Variants in TMEM131 observed in about 807,000 individuals in gnomAD.
TMEM131 encodes the protein 2610524E03Rik.
Under a neutral mutation model 211.6 loss-of-function variants are expected in TMEM131, and 66 were observed. That is an observed-to-expected ratio of 0.31 (90% CI 0.26 to 0.38). The LOEUF (loss-of-function observed/expected upper bound fraction) is 0.38. TMEM131 is among the 10% of genes least tolerant of loss of function. TMEM131 has a pLI of 1.00. For synonymous variants in TMEM131, 844 were observed against 841.3 expected (o/e 1.00, Z -0.06); for missense variants, 2,036 against 2,299.3 (o/e 0.89, Z 2.34).
Position 97,779,352 on chromosome 2 carries a change from CGACGT to C in TMEM131, c.4145-3339_4145-3335del, listed in dbSNP as rs1679885501. Among the ~76,000 whole-genome samples, 7 of 152,326 alleles carry C rather than the reference CGACGT, an allele frequency of 4.6e-5. No homozygotes were observed. The South Asian group carries it at 1.4e-3, about 32-fold the overall frequency. ...AACCTGACTGATAAGACTGGATGGCCGACGTCTAGCTGCAGGCAGTCTCTGTCCCC... is the reference window on the plus strand; with the variant it reads ...AACCTGACTGATAAGACTGGATGGCCCTAGCTGCAGGCAGTCTCTGTCCCC... On this transcript the variant is annotated intron_variant, in intron 31 of 40. Coordinates refer to ENST00000186436, the MANE Select transcript of TMEM131 (RefSeq NM_015348.2).
At chr2:97,891,011 G>GT in intron 3 of TMEM131, among the ~76,000 whole-genome samples, 1 of 152,254 alleles carries the variant, frequency 6.6e-6, no homozygotes, top group African/African-American at 2.4e-5. Context: ...ATCCGAGTGA[G>GT]TACGATACAA....
chr2:97,961,114 A>G (rs750260507), intron 1 of TMEM131, among the ~76,000 whole-genome samples: 19 of 151,916 alleles, frequency 1.3e-4, no homozygotes, highest in Non-Finnish European at 1.5e-5. Context: ...GGGAACAAGG[A>G]AAGGAAGCTG....
intron 18 of TMEM131, 58 bp downstream of exon 18, chr2:97,811,070 G>T (rs1681526930): frequency 8.3e-7 from 1 of 1,209,142 alleles, no homozygotes; most frequent in Non-Finnish European, 1.2e-6. Flanking sequence ...ATAAAGACAA[G>T]AAAGGACTGA....
In TMEM131 at chr2:97,910,168, CAAT is replaced by C. The variant is rs1242457455; in HGVS notation, c.250-1473_250-1471del. Among the ~76,000 whole-genome samples, 3 of 152,092 alleles carry C rather than the reference CAAT, an allele frequency of 2.0e-5. No individual in the cohort carries two copies. The East Asian group carries it at 5.8e-4, about 29-fold the overall frequency. On this transcript the variant is annotated intron_variant, in intron 2 of 40. Transcript: ENST00000186436. ...ATTAGGGAAATGCAAATCAAAACCA[CAAT>C]GATACCACTTCATACCTGTTTGGAT...
chr2:97,884,440 AG>A (rs1397485072), intron 4 of TMEM131, among the ~76,000 whole-genome samples: 1 of 152,166 alleles, frequency 6.6e-6, no homozygotes, highest in African/African-American at 2.4e-5. Flanking sequence ...AGGTCCATTT[AG>A]TTGATGGTGT....
intron 3 of TMEM131, among the ~76,000 whole-genome samples, chr2:97,894,133 G>C (rs1476993757): frequency 1.3e-5 from 2 of 152,110 alleles, no homozygotes; most frequent in Admixed American, 6.5e-5. Flanking sequence ...TATTAAATAG[G>C]GAATCCTTTC....
intron 33 of TMEM131, among the ~76,000 whole-genome samples, chr2:97,767,814 C>T (rs1199695118): frequency 6.6e-6 from 1 of 152,200 alleles, no homozygotes; most frequent in Non-Finnish European, 1.5e-5. Context: ...TCTTCACGCA[C>T]CATGTTGCCT....
intron 1 of TMEM131, among the ~76,000 whole-genome samples, chr2:97,943,060 AG>A (rs1355147892): frequency 4.6e-5 from 4 of 87,062 alleles, no homozygotes; most frequent in Admixed American, 3.6e-4. Flanking sequence ...AAAGAAAGAA[AG>A]AAAGAAAGAA....
chr2:97,895,230 C>T (rs530895997), intron 3 of TMEM131, among the ~76,000 whole-genome samples: 46 of 152,268 alleles, frequency 3.0e-4, no homozygotes, highest in Admixed American at 3.0e-3. Flanking sequence ...CCAACTTGAT[C>T]GTGGTAGATA....
chr2:97,823,614 T>C (rs975879375), intron 11 of TMEM131, among the ~76,000 whole-genome samples: 1 of 152,180 alleles, frequency 6.6e-6, no homozygotes, highest in African/African-American at 2.4e-5. Context: ...CCAGTATGGA[T>C]GCCCACTGGG....
intron 1 of TMEM131, among the ~76,000 whole-genome samples, chr2:97,937,866 G>A (rs575320251): frequency 7.1e-4 from 108 of 152,270 alleles, no homozygotes; most frequent in Non-Finnish European, 9.6e-4. Flanking sequence ...AAGAGAGTGG[G>A]GGCCAATATT....
At chr2:97,873,902 G>A (rs1445249320) in intron 4 of TMEM131, among the ~76,000 whole-genome samples, 1 of 152,156 alleles carries the variant, frequency 6.6e-6, no homozygotes, top group African/African-American at 2.4e-5. Context: ...GGTTTCAGAA[G>A]GTGGGTAATA....
chr2:97,940,546 C>A (rs1677668868), intron 1 of TMEM131, among the ~76,000 whole-genome samples: 1 of 152,190 alleles, frequency 6.6e-6, no homozygotes, highest in Non-Finnish European at 1.5e-5. Context: ...TGGTGGCTCA[C>A]ACCTGTAATC....
intron 1 of TMEM131, among the ~76,000 whole-genome samples, chr2:97,943,953 G>A (rs184131437): frequency 1.7e-3 from 261 of 152,108 alleles, no homozygotes; most frequent in Admixed American, 2.9e-3. Context: ...ATGGTGGTGC[G>A]CGCCTGTAGT....
chr2:97,852,579 T>C (rs1559401986), intron 5 of TMEM131, among the ~76,000 whole-genome samples: 1 of 152,300 alleles, frequency 6.6e-6, no homozygotes, highest in Middle Eastern at 3.4e-3. Context: ...AAGGGATCGA[T>C]TCATGAGGTT....
chr2:97,916,821 T>C (rs1456403825), intron 2 of TMEM131, among the ~76,000 whole-genome samples: 1 of 152,190 alleles, frequency 6.6e-6, no homozygotes, highest in African/African-American at 2.4e-5. Flanking sequence ...CCCTGCACTT[T>C]AATATGCTCA....
intron 11 of TMEM131, among the ~76,000 whole-genome samples, chr2:97,831,245 G>A (rs1036182054): frequency 1.4e-4 from 21 of 152,136 alleles, no homozygotes; most frequent in African/African-American, 3.9e-4. Flanking sequence ...TGTCACTCTC[G>A]TTTAAAATCC....
At chr2:97,823,259 G>A (rs1409319501) in intron 11 of TMEM131, among the ~76,000 whole-genome samples, 3 of 152,008 alleles carry the variant, frequency 2.0e-5, no homozygotes, top group East Asian at 1.9e-4. Context: ...AACTCCCCGG[G>A]CTATCGGTTA....
chr2:97,892,652 T>C (rs933171225), intron 3 of TMEM131, among the ~76,000 whole-genome samples: 4 of 152,244 alleles, frequency 2.6e-5, no homozygotes, highest in Admixed American at 2.6e-4. Flanking sequence ...CGTGAGCCAC[T>C]GTGCCTGGCC....
Sources: gnomAD v4.1 joint callset for allele counts (sites outside exome capture counted in the v4.1 genomes callset) on GRCh38, gnomAD v4.1.1 for gene constraint, MANE v1.5 for transcripts, NCBI Gene and HGNC (gene_info 2026-07-23, HGNC 2026-07-21) for gene names.